The following ARK2N variants were observed in gnomAD, a reference collection of about 807,000 sequenced individuals.
ARK2N encodes the protein protein ARK2N.
At chr18:46,215,669 C>G in the ARK2N span, 1 of 396,628 alleles carries the variant, frequency 2.5e-6, no homozygotes, top group Middle Eastern at 7.1e-4. Context: ...GACTGTTGAT[C>G]AAACAAGCAG....
chr18:46,202,157 A>G, the ARK2N span, among the ~76,000 whole-genome samples: 126 of 152,226 alleles, frequency 8.3e-4, no homozygotes, highest in African/African-American at 2.9e-3. Context: ...TGCTCCCAGG[A>G]CAACTCTAGT....
the ARK2N span, among the ~76,000 whole-genome samples, chr18:46,203,543 G>A: frequency 6.6e-6 from 1 of 152,156 alleles, no homozygotes; most frequent in Non-Finnish European, 1.5e-5. Context: ...ATATAAATGT[G>A]TCAGGATGCA....
chr18:46,201,283 C>G, the ARK2N span, among the ~76,000 whole-genome samples: 1 of 151,944 alleles, frequency 6.6e-6, no homozygotes, highest in Non-Finnish European at 1.5e-5. Context: ...CTATGCCTGA[C>G]CTTGGTTTTG....
At chr18:46,264,140 A>G in the ARK2N span, 1 of 152,640 alleles carries the variant, frequency 6.6e-6, no homozygotes, top group Non-Finnish European at 1.5e-5. Context: ...CCTTCTAAAA[A>G]AAAATACCAT....
chr18:46,178,597 A>G, the ARK2N span, among the ~76,000 whole-genome samples: 1 of 152,322 alleles, frequency 6.6e-6, no homozygotes, highest in South Asian at 2.1e-4. Flanking sequence ...GGCGGGAGCC[A>G]CCATGCCTGG....
chr18:46,245,653 T>A, the ARK2N span, among the ~76,000 whole-genome samples: 1 of 152,000 alleles, frequency 6.6e-6, no homozygotes, highest in South Asian at 2.1e-4. Flanking sequence ...AGTGACTTAT[T>A]TTTTTATTTT....
the ARK2N span, among the ~76,000 whole-genome samples, chr18:46,222,146 G>A: frequency 1.3e-3 from 203 of 152,298 alleles, 1 homozygote; most frequent in African/African-American, 4.5e-3. Flanking sequence ...CTGACCCCAG[G>A]CATCAGCTTT....
chr18:46,206,704 T>C, the ARK2N span, among the ~76,000 whole-genome samples: 1 of 152,172 alleles, frequency 6.6e-6, no homozygotes, highest in Admixed American at 6.6e-5. Context: ...TTTATTACTT[T>C]TATCTTACCG....
chr18:46,197,743 A>G, the ARK2N span, among the ~76,000 whole-genome samples: 1 of 152,146 alleles, frequency 6.6e-6, no homozygotes, highest in Non-Finnish European at 1.5e-5. Flanking sequence ...TCTCTTTTCA[A>G]AAAGGGGAAA....
the ARK2N span, among the ~76,000 whole-genome samples, chr18:46,229,975 A>G: frequency 2.0e-5 from 3 of 152,014 alleles, no homozygotes; most frequent in Admixed American, 1.3e-4. Flanking sequence ...CGCCCAGGCT[A>G]TAGTGCAATG....
chr18:46,241,841 A>G, the ARK2N span, among the ~76,000 whole-genome samples: 2 of 151,926 alleles, frequency 1.3e-5, no homozygotes, highest in African/African-American at 2.4e-5. Context: ...TTTGAGATGG[A>G]GTTTCGCTCT....
chr18:46,261,754 C>T, the ARK2N span, among the ~76,000 whole-genome samples: 1 of 152,140 alleles, frequency 6.6e-6, no homozygotes, highest in Non-Finnish European at 1.5e-5. Flanking sequence ...TGCTCTGGCC[C>T]TGAGAGATCT....
At chr18:46,213,064 G>A in the ARK2N span, among the ~76,000 whole-genome samples, 4 of 146,276 alleles carry the variant, frequency 2.7e-5, no homozygotes, top group East Asian at 4.0e-4. Context: ...TGCAGTGGCG[G>A]GACCTCGGCT....
At chr18:46,259,885 C>CTGTGTGTGTG in the ARK2N span, among the ~76,000 whole-genome samples, 28 of 81,702 alleles carry the variant, frequency 3.4e-4, 5 homozygotes, top group African/African-American at 8.3e-4. Context: ...ATCCTCCCGT[C>CTGTGTGTGTG]TGTGTGTGTG....
At chr18:46,203,516 G>A in the ARK2N span, among the ~76,000 whole-genome samples, 106 of 152,264 alleles carry the variant, frequency 7.0e-4, no homozygotes, top group Admixed American at 2.7e-3. Flanking sequence ...TGGTCATTAC[G>A]TGGATATGTT....
At chr18:46,239,878 A>G in the ARK2N span, 4 of 848,756 alleles carry the variant, frequency 4.7e-6, no homozygotes, top group East Asian at 4.9e-5. Flanking sequence ...TATTAGATCT[A>G]TAAAGTGCAG....
chr18:46,227,111 G>A, the ARK2N span, among the ~76,000 whole-genome samples: 1 of 151,972 alleles, frequency 6.6e-6, no homozygotes, highest in Admixed American at 6.6e-5. Flanking sequence ...GCCTGGCCTG[G>A]ATTTATTTTT....
the ARK2N span, chr18:46,262,961 G>A: frequency 6.2e-7 from 1 of 1,614,148 alleles, no homozygotes; most frequent in East Asian, 2.2e-5. Context: ...GTGATTCAGA[G>A]TGTTTCTTCA....
At chr18:46,197,204 A>C in the ARK2N span, among the ~76,000 whole-genome samples, 5 of 152,030 alleles carry the variant, frequency 3.3e-5, no homozygotes, top group African/African-American at 1.2e-4. Context: ...ATTTTTCCAC[A>C]TGCCAGATAT....
Sources: gnomAD v4.1 joint callset for allele counts (sites outside exome capture counted in the v4.1 genomes callset) on GRCh38, gnomAD v4.1.1 for gene constraint, MANE v1.5 for transcripts, NCBI Gene and HGNC (gene_info 2026-07-23, HGNC 2026-07-21) for gene names.